Variants in AREL1 observed in about 807,000 individuals in gnomAD.
AREL1 encodes the protein apoptosis-resistant E3 ubiquitin protein ligase 1.
Under a neutral mutation model 99.0 loss-of-function variants are expected in AREL1, and 62 were observed. That is an observed-to-expected ratio of 0.63 (90% CI 0.51 to 0.77). The LOEUF (loss-of-function observed/expected upper bound fraction) is 0.77, where lower values mean the gene tolerates loss of function less well. AREL1 is among the 30% of genes least tolerant of loss of function. The pLI is 0.00. For missense variants in AREL1, 879 were observed against 1,027.6 expected, an observed-to-expected ratio of 0.86 and a Z score of 1.98; for synonymous variants, 380 against 376.5, an observed-to-expected ratio of 1.01 and a Z score of -0.11.
intron 1 of AREL1, among the ~76,000 whole-genome samples, chr14:74,705,610 C>T (rs1255161456): frequency 1.3e-5 from 2 of 151,788 alleles, no homozygotes; most frequent in African/African-American, 2.4e-5. Flanking sequence ...AGATCATGCC[C>T]ACCTTACTGA....
intron 12 of AREL1, among the ~76,000 whole-genome samples, chr14:74,671,106 G>A (rs2089327758): frequency 6.6e-6 from 1 of 152,044 alleles, no homozygotes; most frequent in Non-Finnish European, 1.5e-5. Context: ...AGAGGTCGGA[G>A]ATCCCAGGAA....
At chr14:74,684,751 A>T in intron 3 of AREL1, 71 bp from the exon 4 acceptor site, 1 of 1,405,488 alleles carries the variant, frequency 7.1e-7, no homozygotes, top group Non-Finnish European at 1.0e-6. Flanking sequence ...GCAACAGGCC[A>T]GCCATTTCTC....
At chr14:74,682,272 G>A (rs1476897959) in intron 5 of AREL1, among the ~76,000 whole-genome samples, 1 of 152,218 alleles carries the variant, frequency 6.6e-6, no homozygotes, top group African/African-American at 2.4e-5. Flanking sequence ...GCCCCACTCA[G>A]TACGGTTTCA....
chr14:74,687,615 C>A (rs1387086614), intron 2 of AREL1, among the ~76,000 whole-genome samples: 2 of 152,132 alleles, frequency 1.3e-5, no homozygotes, highest in African/African-American at 4.8e-5. Flanking sequence ...TAATGTGACC[C>A]TGGACAAGTC....
chr14:74,670,108 G>A lies in AREL1; in HGVS notation c.1627C>T (p.Arg543Cys), dbSNP rs772255519. 5 of 1,610,426 alleles carry A rather than the reference G, an allele frequency of 3.1e-6. No individual in the cohort carries two copies. The highest frequency in any genetic ancestry group is 4.2e-6 in the Non-Finnish European group (5 of 1,177,816). ...NQALVHPNPNRPAHLRLKMYE... is the reference protein window; with the variant it reads ...NQALVHPNPNCPAHLRLKMYE... ...ATTTTCAGGCGCAGATGAGCGGGGC[G>A]ATTAGGGTTGGGATGCACCTGTCCA... The change falls in exon 14 of 20, where the codon CGC becomes TGC. Residue 543 changes from arginine to cysteine, a missense_variant. By Grantham distance (180) the Arg-to-Cys change is radical. Transcript: ENST00000356357.
At chr14:74,699,376 T>TGTGAGA (rs1293143164) in intron 1 of AREL1, among the ~76,000 whole-genome samples, 1 of 135,524 alleles carries the variant, frequency 7.4e-6, no homozygotes, top group Non-Finnish European at 1.7e-5. Flanking sequence ...TGTGTGTGTG[T>TGTGAGA]GAGAGAGAGA....
intron 4 of AREL1, among the ~76,000 whole-genome samples, chr14:74,683,835 C>T (rs144603744): frequency 1.3e-5 from 2 of 152,326 alleles, no homozygotes; most frequent in South Asian, 2.1e-4. Flanking sequence ...CCAATGCTGC[C>T]TCCTTGGTCT....
chr14:74,663,811 A>T lies in AREL1; in HGVS notation c.2381T>A (p.Leu794Gln). Reference sequence around the variant, plus strand: ...ATAGGAGTCATATGTAGGGAGGCACAGCTGGTTAAAACTGGAAGGGCAAGG... The same window carrying T: ...ATAGGAGTCATATGTAGGGAGGCACTGCTGGTTAAAACTGGAAGGGCAAGG... ...LPTAHTCFNQ[L>Q]CLPTYDSYEE... Residue 794 changes from leucine (L) to glutamine (Q), a missense_variant, in exon 20 of 20, where the codon CTG (leucine) becomes CAG (glutamine). Transcript: ENST00000356357. 1 of 1,614,238 alleles carries T rather than the reference A, an allele frequency of 6.2e-7. No homozygotes were observed. The highest frequency in any genetic ancestry group is 1.7e-5 in the Admixed American group (1 of 60,030).
At chr14:74,673,025 T>A in intron 10 of AREL1, 52 bp downstream of exon 10, 1 of 1,613,964 alleles carries the variant, frequency 6.2e-7, no homozygotes, top group Middle Eastern at 1.7e-4. Flanking sequence ...TCCACCCTCA[T>A]GGATGTGGCT....
chr14:74,672,830 C>T lies in AREL1; in HGVS notation c.1422+1G>A. The T allele has an allele frequency of 6.8e-6, 11 of 1,614,122 alleles. No homozygotes were observed. The highest frequency in any genetic ancestry group is 9.3e-6 in the Non-Finnish European group (11 of 1,179,994). The stretch of plus-strand genomic sequence containing the variant: ...GCTGACAGAGATGAAATTTTACCTA[C>T]CGATTCCAACAAGGCATGTCTGCTG... On this transcript the variant is annotated splice_donor_variant, in intron 11 of 19. Coordinates refer to ENST00000356357, the MANE Select transcript of AREL1 (RefSeq NM_001039479.2). LOFTEE classifies it high-confidence loss of function.
At chr14:74,682,244 A>C (rs867005812) in intron 5 of AREL1, among the ~76,000 whole-genome samples, 3 of 152,196 alleles carry the variant, frequency 2.0e-5, no homozygotes, top group African/African-American at 4.8e-5. Flanking sequence ...AGTCAAGCAA[A>C]GATACACAAA....
intron 1 of AREL1, among the ~76,000 whole-genome samples, chr14:74,709,254 T>A (rs959227281): frequency 1.3e-5 from 2 of 152,064 alleles, no homozygotes; most frequent in Admixed American, 6.6e-5. Flanking sequence ...CTGGGCAACA[T>A]AGCAAGATCT....
At chr14:74,710,229 A>T (rs1458015160) in intron 1 of AREL1, among the ~76,000 whole-genome samples, 1 of 152,196 alleles carries the variant, frequency 6.6e-6, no homozygotes, top group East Asian at 1.9e-4. Flanking sequence ...AATGCAACAA[A>T]AACAAATTTT....
intron 17 of AREL1, among the ~76,000 whole-genome samples, chr14:74,665,157 A>G (rs1378043993): frequency 6.6e-6 from 1 of 152,090 alleles, no homozygotes; most frequent in Non-Finnish European, 1.5e-5. Context: ...TTTAAAATAT[A>G]TATTTATACA....
intron 2 of AREL1, among the ~76,000 whole-genome samples, chr14:74,686,854 C>T (rs568738268): frequency 8.5e-5 from 13 of 152,216 alleles, no homozygotes; most frequent in Admixed American, 2.6e-4. Context: ...AGAATTGTCA[C>T]GTGGATGAAG....
intron 12 of AREL1, 125 bp downstream of exon 12, chr14:74,671,283 G>GT (rs201903994): frequency 0.065 from 19,256 of 294,116 alleles, 10 homozygotes; most frequent in South Asian, 0.1. Context: ...AAAAACCTAG[G>GT]TTTTTTTTTT....
At position 74,662,933 on chromosome 14, in the gene AREL1, A is replaced by T. The variant is rs1185578647; in HGVS notation, c.*787T>A. The T allele has an allele frequency of 3.7e-6, 1 of 271,440 alleles. No homozygotes were observed. The highest frequency in any genetic ancestry group is 6.9e-6 in the Non-Finnish European group (1 of 145,490). The allele number at this position is 271,440 out of a possible 1,614,324, so 16.8% of individuals were successfully genotyped here. ...TCAGGGAAAAGCATCAGTAGTCTCC[A>T]AGCCAGCCATATGCCTAGGCATGCC... On this transcript the variant is annotated 3_prime_UTR_variant, in exon 20 of 20. Transcript: ENST00000356357.
intron 2 of AREL1, 122 bp from the exon 3 acceptor site, chr14:74,685,782 T>C (rs1372565111): frequency 2.7e-6 from 2 of 752,468 alleles, no homozygotes; most frequent in South Asian, 1.9e-5. Context: ...AGCCTTACTA[T>C]TCCTATCCTC....
intron 1 of AREL1, among the ~76,000 whole-genome samples, chr14:74,700,520 T>A (rs2090065014): frequency 6.6e-6 from 1 of 152,236 alleles, no homozygotes; most frequent in Non-Finnish European, 1.5e-5. Context: ...GGCTCACACC[T>A]GTAATTCCAG....
Sources: gnomAD v4.1 joint callset for allele counts (sites outside exome capture counted in the v4.1 genomes callset) on GRCh38, gnomAD v4.1.1 for gene constraint, MANE v1.5 for transcripts, NCBI Gene and HGNC (gene_info 2026-07-23, HGNC 2026-07-21) for gene names.